The following EPHA6 variants were observed in gnomAD, a reference collection of about 807,000 sequenced individuals.
EPHA6 encodes EPH receptor A6, also known as ephrin type-A receptor 6.
EPHA6 carries 50 observed loss-of-function variants against 112.0 expected under a neutral mutation model. That is an observed-to-expected ratio of 0.45 (90% CI 0.36 to 0.56). EPHA6 has a LOEUF of 0.56. Among genes scored for constraint, EPHA6 ranks in the 20% least tolerant of loss-of-function variants. The pLI, the probability that EPHA6 is intolerant of heterozygous loss-of-function variation, is 0.00. For synonymous variants in EPHA6, 529 were observed against 490.7 expected (o/e 1.08, Z -1.03); for missense variants, 1,280 against 1,417.4 (o/e 0.90, Z 1.56).
intron 2 of EPHA6, among the ~76,000 whole-genome samples, chr3:96,971,691 C>A (rs1024653272): frequency 6.6e-6 from 1 of 152,038 alleles, no homozygotes; most frequent in Admixed American, 6.6e-5. Flanking sequence ...AAAATTAAGC[C>A]ACTGCAGAAT....
chr3:97,544,650 A>C (rs1175638680), intron 11 of EPHA6, among the ~76,000 whole-genome samples: 1 of 152,178 alleles, frequency 6.6e-6, no homozygotes, highest in Non-Finnish European at 1.5e-5. Context: ...TGATTAGAAT[A>C]GTTTCAGAAG....
chr3:97,004,692 A>AT lies in EPHA6; in HGVS notation c.1114+16704dup, dbSNP rs200863210. On this transcript the variant is annotated intron_variant, in intron 3 of 17. Transcript: ENST00000389672. ...GGCTTTTGTTGCAGTTGCTTTTGGC[A>AT]TTTTTGTCATGAAGTCTTTGCCCAT... Among the ~76,000 whole-genome samples the AT allele has an allele frequency of 5.0e-3, 768 of 152,136 alleles. 6 individuals carry two copies. Among genetic ancestry groups the AT allele is most frequent in the African/African-American group, 0.017 (696 of 41,524 alleles).
chr3:97,530,530 C>A (rs1030395202), intron 10 of EPHA6, among the ~76,000 whole-genome samples: 1 of 151,406 alleles, frequency 6.6e-6, no homozygotes, highest in Non-Finnish European at 1.5e-5. Flanking sequence ...AACTGAAAAA[C>A]TACAACTTCT....
intron 3 of EPHA6, among the ~76,000 whole-genome samples, chr3:97,187,728 A>C (rs1401514245): frequency 6.7e-6 from 1 of 149,700 alleles, no homozygotes; most frequent in African/African-American, 2.5e-5. Context: ...AAAGAAAGAA[A>C]GAAAGAAAGA....
At chr3:97,035,125 C>T (rs1039386697) in intron 3 of EPHA6, among the ~76,000 whole-genome samples, 1 of 151,794 alleles carries the variant, frequency 6.6e-6, no homozygotes, top group Non-Finnish European at 1.5e-5. Flanking sequence ...TAAGCGAAAT[C>T]CTATTAGAAG....
At chr3:97,736,464 A>AGTGTGT (rs1553681773) in intron 16 of EPHA6, among the ~76,000 whole-genome samples, 4 of 143,254 alleles carry the variant, frequency 2.8e-5, no homozygotes, top group East Asian at 2.1e-4. Context: ...AGAGAGAGAG[A>AGTGTGT]GAGAGAGTGT....
chr3:97,334,723 G>A (rs1038567777), intron 5 of EPHA6, among the ~76,000 whole-genome samples: 2 of 151,996 alleles, frequency 1.3e-5, no homozygotes, highest in Non-Finnish European at 2.9e-5. Flanking sequence ...CATCCTTGTT[G>A]AGCTTTGGTA....
chr3:97,322,658 T>C (rs1040889930), intron 5 of EPHA6, among the ~76,000 whole-genome samples: 3 of 151,984 alleles, frequency 2.0e-5, no homozygotes, highest in Non-Finnish European at 4.4e-5. Flanking sequence ...TATCATGCTA[T>C]AAAAAAACAA....
chr3:97,312,772 G>T (rs2081622432), intron 5 of EPHA6, among the ~76,000 whole-genome samples: 1 of 149,766 alleles, frequency 6.7e-6, no homozygotes, highest in Non-Finnish European at 1.5e-5. Flanking sequence ...AATATTCTGT[G>T]GTCACATTTT....
intron 1 of EPHA6, among the ~76,000 whole-genome samples, chr3:96,864,564 G>A (rs1205716469): frequency 3.9e-5 from 6 of 151,914 alleles, no homozygotes; most frequent in Admixed American, 3.9e-4. Flanking sequence ...TCTTATAAAG[G>A]GCCACAAGAA....
chr3:97,158,997 T>C (rs995035495), intron 3 of EPHA6, among the ~76,000 whole-genome samples: 6 of 152,134 alleles, frequency 3.9e-5, no homozygotes, highest in Non-Finnish European at 7.4e-5. Context: ...CAGCTTGACT[T>C]TTCCCTTTGG....
chr3:97,066,724 G>C (rs1201980671), intron 3 of EPHA6, among the ~76,000 whole-genome samples: 1 of 152,152 alleles, frequency 6.6e-6, no homozygotes, highest in Non-Finnish European at 1.5e-5. Flanking sequence ...AGAGATTTCA[G>C]GGCAGAGATT....
chr3:97,218,142 A>C lies in EPHA6; in HGVS notation c.1115-8122A>C, dbSNP rs1030350050. 2.0e-4 allele frequency among the ~76,000 whole-genome samples: 30 copies of C among 152,148 alleles called. No individual in the cohort carries two copies. In the Middle Eastern group the frequency reaches 0.01, roughly 52 times the overall value. On this transcript the variant is annotated intron_variant, in intron 3 of 17. Coordinates refer to ENST00000389672, the MANE Select transcript of EPHA6 (RefSeq NM_001080448.3). ...CAAAAATTAGCTGGCATGGTGGTGC[A>C]TGCCTGTAGTCCCAGCTACTTGGAA...
chr3:96,883,977 T>C (rs1166357646), intron 2 of EPHA6, among the ~76,000 whole-genome samples: 1 of 152,146 alleles, frequency 6.6e-6, no homozygotes, highest in African/African-American at 2.4e-5. Context: ...GAAAATGGTG[T>C]CCTTTCCCCA....
chr3:97,640,275 A>G (rs2093989251), intron 14 of EPHA6, among the ~76,000 whole-genome samples: 1 of 152,196 alleles, frequency 6.6e-6, no homozygotes, highest in Non-Finnish European at 1.5e-5. Context: ...GAAAAAAGAC[A>G]TGGAAATGCA....
chr3:97,041,543 A>C (rs1300806063), intron 3 of EPHA6, among the ~76,000 whole-genome samples: 1 of 152,082 alleles, frequency 6.6e-6, no homozygotes, highest in Non-Finnish European at 1.5e-5. Context: ...TTTATGTTTG[A>C]CTGTATTTCA....
chr3:97,448,061 G>A (rs1341981156), intron 6 of EPHA6, among the ~76,000 whole-genome samples: 1 of 152,100 alleles, frequency 6.6e-6, no homozygotes, highest in African/African-American at 2.4e-5. Context: ...CAAAGTGAAT[G>A]ACTTCAGGAT....
chr3:96,904,376 G>A (rs569946519), intron 2 of EPHA6, among the ~76,000 whole-genome samples: 15 of 147,296 alleles, frequency 1.0e-4, no homozygotes, highest in East Asian at 1.0e-3. Context: ...CAAACACCGC[G>A]TGTTGTCACT....
intron 6 of EPHA6, among the ~76,000 whole-genome samples, chr3:97,415,388 C>G (rs2088046060): frequency 2.0e-5 from 3 of 152,002 alleles, no homozygotes; most frequent in South Asian, 2.1e-4. Flanking sequence ...TCTGTCTTAT[C>G]TATTCATTGG....
Sources: allele counts gnomAD v4.1 joint callset (sites outside exome capture counted in the v4.1 genomes callset), GRCh38; gene constraint gnomAD v4.1.1; transcripts MANE v1.5; gene names NCBI Gene and HGNC (gene_info 2026-07-23, HGNC 2026-07-21).